Variants in FGD5 observed in about 807,000 individuals in gnomAD.
FGD5 encodes FYVE, RhoGEF and PH domain containing 5, also known as FYVE, RhoGEF and PH domain-containing protein 5.
FGD5 carries 28 observed loss-of-function variants against 133.4 expected under a neutral mutation model. That is an observed-to-expected ratio of 0.21 (90% CI 0.16 to 0.29). FGD5 has a LOEUF of 0.29. Ranked by LOEUF, FGD5 falls within the 10% of genes least tolerant of loss-of-function variation. The pLI, the probability that FGD5 is intolerant of heterozygous loss-of-function variation, is 1.00. For synonymous variants in FGD5, 810 were observed against 776.5 expected (o/e 1.04, Z -0.72); for missense variants, 1,858 against 1,895.2 (o/e 0.98, Z 0.36).
intron 2 of FGD5, among the ~76,000 whole-genome samples, chr3:14,874,947 C>T (rs1389255398): frequency 6.6e-6 from 1 of 152,162 alleles, no homozygotes; most frequent in African/African-American, 2.4e-5. Context: ...CTTGTCCTGG[C>T]AGGCACTCAC....
At chr3:14,841,148 G>A (rs924363629) in intron 1 of FGD5, among the ~76,000 whole-genome samples, 4 of 152,152 alleles carry the variant, frequency 2.6e-5, no homozygotes, top group Admixed American at 6.5e-5. Context: ...GTTTCCATGG[G>A]TGAGATGGCA....
At chr3:14,842,818 G>A (rs1338549428) in intron 1 of FGD5, among the ~76,000 whole-genome samples, 4 of 152,186 alleles carry the variant, frequency 2.6e-5, no homozygotes, top group East Asian at 3.8e-4. Context: ...TGTCTTGCAA[G>A]TGTCTTGCTT....
rs753288580 is a variant in FGD5, at chr3:14,819,460, C to T, written c.389C>T (p.Ala130Val). 1.9e-4 allele frequency: 299 copies of T among 1,550,746 alleles called. No individual in the cohort carries two copies. The highest frequency in any genetic ancestry group is 2.2e-4 in the Non-Finnish European group (256 of 1,146,704). ...GCCCCTGCTGCTCCGGGTGCAGGAG[C>T]GCTGAGCAGGGAGGGTGAGGAAGGC... The part of the protein sequence containing the change: ...SVAPAAPGAG[A>V]LSREGEEGTD... The change falls in exon 1 of 20, where the codon GCG (alanine) becomes GTG (valine). Residue 130 changes from alanine (A) to valine (V), a missense_variant. Around this residue, in one of 3 missense-constraint regions of FGD5, gnomAD observed 1,824 missense variants for 1,848.9 expected, o/e 0.99. Coordinates refer to ENST00000285046, the MANE Select transcript of FGD5 (RefSeq NM_152536.4). The surrounding 1 kb of genome is among the most constrained non-coding windows in gnomAD (Gnocchi z 4.1).
rs961315414 is a variant in FGD5 at position 14,910,923 on chromosome 3, A to G, written c.3399A>G (p.Leu1133=). The G allele has an allele frequency of 1.2e-6, 2 of 1,612,004 alleles. No homozygotes were observed. The highest frequency in any genetic ancestry group is 1.7e-5 in the Admixed American group (1 of 59,778). The change falls in exon 11 of 20, where the codon CTA becomes CTG. Residue 1133 remains leucine (L), a synonymous_variant. Coordinates refer to ENST00000285046, the MANE Select transcript of FGD5 (RefSeq NM_152536.4). ...VTGKNRRPRH[L]FLMNDVLLYT... is the part of the protein sequence containing the mutation. ...GGAAAAACAGACGGCCCCGGCACCTATTTCTGGTAAGTGCCCGGTCCCCAA... is the reference window on the plus strand; with the variant it reads ...GGAAAAACAGACGGCCCCGGCACCTGTTTCTGGTAAGTGCCCGGTCCCCAA...
chr3:14,858,844 G>A (rs1246051171), intron 1 of FGD5, among the ~76,000 whole-genome samples: 2 of 152,210 alleles, frequency 1.3e-5, no homozygotes, highest in African/African-American at 4.8e-5. Flanking sequence ...TTTGGGAAGA[G>A]GTTAACATGT....
intron 1 of FGD5, among the ~76,000 whole-genome samples, chr3:14,859,197 C>T (rs2037346992): frequency 6.6e-6 from 1 of 152,082 alleles, no homozygotes; most frequent in African/African-American, 2.4e-5. Context: ...TACAATGTGG[C>T]ATAATTAAAT....
intron 1 of FGD5, among the ~76,000 whole-genome samples, chr3:14,847,402 C>T (rs1374998491): frequency 6.6e-6 from 1 of 152,142 alleles, no homozygotes; most frequent in Non-Finnish European, 1.5e-5. Context: ...TCTCCTGACT[C>T]CTAGAACAGT....
intron 1 of FGD5, among the ~76,000 whole-genome samples, chr3:14,838,357 T>C (rs773748056): frequency 3.9e-5 from 6 of 152,184 alleles, no homozygotes; most frequent in African/African-American, 1.4e-4. Flanking sequence ...CTCCACGTTA[T>C]AACCTTCACA....
At position 14,870,029 on chromosome 3, in the gene FGD5, C is replaced by A. The variant is rs1397835422; in HGVS notation, c.2658+5769C>A. ...GGAACTGCCATATAGTTTTCCACAG[C>A]AGCCACACCCTCTTAACATTCCTGC... On this transcript the variant is annotated intron_variant, in intron 2 of 19. Coordinates refer to ENST00000285046, the MANE Select transcript of FGD5 (RefSeq NM_152536.4). Among the ~76,000 whole-genome samples, 7 of 152,358 alleles carry A rather than the reference C, an allele frequency of 4.6e-5. No individual in the cohort carries two copies. In the South Asian group the frequency reaches 1.4e-3, roughly 32 times the overall value.
At chr3:14,839,525 A>G (rs2036877560) in intron 1 of FGD5, among the ~76,000 whole-genome samples, 1 of 152,230 alleles carries the variant, frequency 6.6e-6, no homozygotes, top group African/African-American at 2.4e-5. Flanking sequence ...GGCACAGCAC[A>G]GGGGCACAGA....
intron 1 of FGD5, among the ~76,000 whole-genome samples, chr3:14,844,275 G>T (rs1375404792): frequency 1.2e-5 from 1 of 81,608 alleles, no homozygotes; most frequent in Admixed American, 1.6e-4. Context: ...TATATATAAT[G>T]CAGGTTTCCA....
At chr3:14,854,722 CTT>C (rs1457012670) in intron 1 of FGD5, among the ~76,000 whole-genome samples, 1 of 152,060 alleles carries the variant, frequency 6.6e-6, no homozygotes, top group Non-Finnish European at 1.5e-5. Flanking sequence ...ACCTGGCCCT[CTT>C]TTATTTTTTA....
At chr3:14,897,412 C>G in intron 4 of FGD5, 97 bp from the exon 5 acceptor site, 1 of 1,426,124 alleles carries the variant, frequency 7.0e-7, no homozygotes, top group Non-Finnish European at 9.5e-7. Context: ...GCTGTCTTCA[C>G]AGAGGCCAGG....
chr3:14,922,521 G>A lies in FGD5; in HGVS notation c.3780G>A (p.Arg1260=). 1 of 1,583,340 alleles carries A rather than the reference G, an allele frequency of 6.3e-7. No individual in the cohort carries two copies. The highest frequency in any genetic ancestry group is 8.6e-7 in the Non-Finnish European group (1 of 1,164,852). ...GCTGCGACTTCTCCCTCACCCTGCG[G>A]CGTCATCACTGTCACGCCTGTGGCA... ...NCGCDFSLTL[R]RHHCHACGKI... Residue 1260 remains arginine (R), a synonymous_variant, in exon 15 of 20, where the codon CGG becomes CGA. Transcript: ENST00000285046. This position sits in a 1 kb window ranked among gnomAD's most constrained non-coding sequence, Gnocchi z 4.1.
chr3:14,811,426 G>A (rs1436497534), intron 1 of FGD5: 8 of 152,050 alleles, frequency 5.3e-5, no homozygotes, highest in Admixed American at 1.3e-4. Context: ...CTCCAGATGA[G>A]ACTAAAAAGC....
At chr3:14,812,081 T>TG (rs2125062576) in intron 1 of FGD5, among the ~76,000 whole-genome samples, 1 of 152,092 alleles carries the variant, frequency 6.6e-6, no homozygotes, top group East Asian at 1.9e-4. Context: ...ATCTTTTTAA[T>TG]GAAAAAAAGT....
intron 5 of FGD5, 52 bp from the exon 6 acceptor site, chr3:14,897,887 C>CGTTG: frequency 6.2e-7 from 1 of 1,606,950 alleles, no homozygotes; most frequent in East Asian, 2.2e-5. Flanking sequence ...TCTAACCCTG[C>CGTTG]GTTGGTTACA....
At chr3:14,818,873 C>A, upstream of FGD5, 1 of 1,364,104 alleles carries the variant, frequency 7.3e-7, no homozygotes, top group Non-Finnish European at 9.5e-7. Flanking sequence ...CTGTGGCGTC[C>A]CCTGCAACTG....
chr3:14,923,187 A>G lies in FGD5; in HGVS notation c.3937+12A>G, dbSNP rs754104652. 6 of 1,608,656 alleles carry G rather than the reference A, an allele frequency of 3.7e-6. No individual in the cohort carries two copies. Among genetic ancestry groups the G allele is most frequent in the East Asian group, 2.2e-5 (1 of 44,666 alleles). ...GGGCCTGATGAGAGGTAACCTGGGG[A>G]CCACTTGCCTTCTTCCAAGTGGCCT... On this transcript the variant is annotated intron_variant, in intron 16 of 19. Transcript: ENST00000285046.
Sources: allele counts gnomAD v4.1 joint callset (sites outside exome capture counted in the v4.1 genomes callset), GRCh38; gene constraint gnomAD v4.1.1; regional missense constraint gnomAD v4.1.1; non-coding constraint Gnocchi (gnomAD v3.1); transcripts MANE v1.5; gene names NCBI Gene and HGNC (gene_info 2026-07-23, HGNC 2026-07-21).